Variants in GRM8 observed in about 807,000 individuals in gnomAD.
GRM8 encodes the protein metabotropic glutamate receptor 8.
A neutral mutation model predicts 87.2 loss-of-function variants in GRM8; 47 were observed. That is an observed-to-expected ratio of 0.54 (90% confidence interval 0.43 to 0.69). The LOEUF is 0.69. Ranked by LOEUF, GRM8 falls within the 30% of genes least tolerant of loss-of-function variation. GRM8 has a pLI of 0.00. For missense variants in GRM8, 1,019 were observed against 1,139.2 expected (o/e 0.89, Z 1.52); for synonymous variants, 396 against 404.5 (o/e 0.98, Z 0.25).
chr7:126,525,290 G>A (rs1017719845), intron 9 of GRM8, among the ~76,000 whole-genome samples: 4 of 152,150 alleles, frequency 2.6e-5, no homozygotes, highest in African/African-American at 9.7e-5. Flanking sequence ...CTTATCCTAG[G>A]TAGAGCTGTA....
chr7:126,543,875 G>A (rs1368314509), intron 8 of GRM8, among the ~76,000 whole-genome samples: 4 of 152,198 alleles, frequency 2.6e-5, no homozygotes, highest in African/African-American at 9.7e-5. Flanking sequence ...GAAGAATCTA[G>A]TCCACAGTGC....
At chr7:126,934,576 TAG>T (rs1482605035) in intron 3 of GRM8, among the ~76,000 whole-genome samples, 2 of 152,176 alleles carry the variant, frequency 1.3e-5, no homozygotes, top group Non-Finnish European at 2.9e-5. Flanking sequence ...TTTGTACCTG[TAG>T]TTAGGGTCAA....
chr7:127,120,006 G>A (rs1014309810), intron 2 of GRM8, among the ~76,000 whole-genome samples: 1 of 152,156 alleles, frequency 6.6e-6, no homozygotes, highest in Admixed American at 6.5e-5. Flanking sequence ...TCTCTTAAGT[G>A]TCCAACAGGT....
intron 3 of GRM8, among the ~76,000 whole-genome samples, chr7:127,000,298 A>C (rs1813601351): frequency 6.6e-6 from 1 of 151,632 alleles, no homozygotes; most frequent in Non-Finnish European, 1.5e-5. Context: ...GGTGAAAAAA[A>C]TAATTAGAAA....
chr7:127,183,461 G>GCTTT (rs1794581866), intron 2 of GRM8, among the ~76,000 whole-genome samples: 1 of 151,810 alleles, frequency 6.6e-6, no homozygotes, highest in East Asian at 1.9e-4. Flanking sequence ...AATCAAAGCG[G>GCTTT]AAGTCTCAAG....
chr7:126,950,730 T>C (rs949650250), intron 3 of GRM8, among the ~76,000 whole-genome samples: 1 of 152,140 alleles, frequency 6.6e-6, no homozygotes, highest in Non-Finnish European at 1.5e-5. Context: ...TAGGTATTCT[T>C]ATCATTCCTA....
intron 3 of GRM8, among the ~76,000 whole-genome samples, chr7:127,045,216 C>G (rs1261357786): frequency 3.9e-5 from 6 of 152,048 alleles, no homozygotes. Flanking sequence ...AACATACTGT[C>G]AGGGAAGAAT....
intron 6 of GRM8, among the ~76,000 whole-genome samples, chr7:126,806,712 T>C (rs1792783425): frequency 1.3e-5 from 2 of 152,226 alleles, no homozygotes; most frequent in Non-Finnish European, 2.9e-5. Context: ...TCGCGGGACT[T>C]TGCGGCACCT....
intron 3 of GRM8, among the ~76,000 whole-genome samples, chr7:127,018,196 C>T (rs1222748023): frequency 6.6e-6 from 1 of 151,888 alleles, no homozygotes; most frequent in Admixed American, 6.6e-5. Context: ...GGTCCAGGTG[C>T]TGGGCATATA....
intron 3 of GRM8, among the ~76,000 whole-genome samples, chr7:127,015,181 GAA>G (rs879884134): frequency 0.36 from 12,748 of 35,732 alleles, 2,369 homozygotes; most frequent in African/African-American, 0.41. Flanking sequence ...AGAAGGAGAA[GAA>G]GAAGAAGAAG....
At position 127,106,664 on chromosome 7, in the gene GRM8, T is replaced by C. The variant is rs747249205; in HGVS notation, c.559A>G (p.Thr187Ala). ...ASTAPELSDN[T>A]RYDFFSRVVP... is the part of the protein sequence containing the mutation. ...ACTCGAGAGAAAAAGTCATACCTGG[T>C]GTTATCACTTAGCTCTGGGGCTGTG... Residue 187 changes from threonine to alanine, a missense_variant, in exon 3 of 11, where the codon ACC becomes GCC. By Grantham distance (58) the Thr-to-Ala change is moderately conservative. Coordinates refer to ENST00000339582, the MANE Select transcript of GRM8 (RefSeq NM_000845.3). 6.2e-7 allele frequency: 1 copy of C among 1,613,660 alleles called. No homozygotes were observed. The highest frequency in any genetic ancestry group is 8.5e-7 in the Non-Finnish European group (1 of 1,179,808).
At chr7:126,516,096 T>A (rs2150767357) in intron 9 of GRM8, among the ~76,000 whole-genome samples, 1 of 152,232 alleles carries the variant, frequency 6.6e-6, no homozygotes, top group South Asian at 2.1e-4. Flanking sequence ...AGTATTTCAG[T>A]ATTCCAACTT....
chr7:126,604,795 C>A (rs904885152), intron 8 of GRM8, among the ~76,000 whole-genome samples: 1 of 152,084 alleles, frequency 6.6e-6, no homozygotes, highest in African/African-American at 2.4e-5. Context: ...AGCTCAGTAT[C>A]CTGTCAGAAG....
At chr7:126,493,102 T>TA (rs1199472604) in intron 9 of GRM8, among the ~76,000 whole-genome samples, 1 of 152,222 alleles carries the variant, frequency 6.6e-6, no homozygotes, top group Non-Finnish European at 1.5e-5. Flanking sequence ...ACAGAGTGGA[T>TA]AAAACATTTT....
At chr7:127,021,157 A>G (rs1204264217) in intron 3 of GRM8, among the ~76,000 whole-genome samples, 1 of 152,004 alleles carries the variant, frequency 6.6e-6, no homozygotes, top group African/African-American at 2.4e-5. Context: ...ATTATTACTT[A>G]AAGAAGAAAG....
At position 127,236,474 on chromosome 7, in the gene GRM8, C is replaced by T. The variant is rs1250940705; in HGVS notation, c.510+6221G>A. Among the ~76,000 whole-genome samples the T allele has an allele frequency of 3.9e-5, 6 of 152,160 alleles. No homozygotes were observed. The East Asian group carries it at 1.2e-3, about 29-fold the overall frequency. ...AAGGAGAAGCAAGAAACCTTCTTCA[C>T]AAGGTGGCAGGAAGGAGCGTGCCAA... On this transcript the variant is annotated intron_variant, in intron 2 of 10. Coordinates refer to ENST00000339582, the MANE Select transcript of GRM8 (RefSeq NM_000845.3).
chr7:126,552,774 C>T (rs982184540), intron 8 of GRM8, among the ~76,000 whole-genome samples: 38 of 152,100 alleles, frequency 2.5e-4, no homozygotes, highest in Non-Finnish European at 4.1e-4. Flanking sequence ...TTATAAATTT[C>T]CAGTTTCCAA....
At chr7:126,877,552 G>A (rs1419776271) in intron 6 of GRM8, among the ~76,000 whole-genome samples, 4 of 151,998 alleles carry the variant, frequency 2.6e-5, no homozygotes, top group Non-Finnish European at 5.9e-5. Flanking sequence ...CTAGACAACT[G>A]GACTACTCAA....
intron 3 of GRM8, among the ~76,000 whole-genome samples, chr7:127,048,019 T>C (rs1819109839): frequency 6.6e-6 from 1 of 152,206 alleles, no homozygotes; most frequent in African/African-American, 2.4e-5. Flanking sequence ...GGCACTGTTC[T>C]AGGTGTCTGA....
Sources: gnomAD v4.1 joint callset for allele counts (sites outside exome capture counted in the v4.1 genomes callset) on GRCh38, gnomAD v4.1.1 for gene constraint, MANE v1.5 for transcripts, NCBI Gene and HGNC (gene_info 2026-07-23, HGNC 2026-07-21) for gene names.